BICDL1: variants seen among roughly 807,000 people sequenced by gnomAD.
BICDL1 encodes BICD family-like cargo adapter 1.
In BICDL1, 20 loss-of-function variants were observed where a neutral mutation model predicts 76.8. The ratio of observed to expected loss-of-function variants is 0.26; its 90% CI spans 0.18 to 0.38. The LOEUF (loss-of-function observed/expected upper bound fraction) is 0.38. Ranked by LOEUF, BICDL1 falls within the 10% of genes least tolerant of loss-of-function variation. BICDL1 has a pLI of 1.00. For missense variants in BICDL1, 700 were observed against 798.6 expected (o/e 0.88, Z 1.49); for synonymous variants, 383 against 337.1 (o/e 1.14, Z -1.49).
At chr12:120,010,666 C>G (rs534545882) in intron 2 of BICDL1, among the ~76,000 whole-genome samples, 1 of 152,210 alleles carries the variant, frequency 6.6e-6, no homozygotes, top group Non-Finnish European at 1.5e-5. Context: ...TCCCCATTTT[C>G]ACTTCAACCT....
chr12:120,074,330 A>G, intron 6 of BICDL1, 113 bp from the exon 7 acceptor site: 1 of 566,698 alleles, frequency 1.8e-6, no homozygotes, highest in Non-Finnish European at 2.2e-6. Flanking sequence ...TCATTCCTCC[A>G]CTCTCCCCCA....
intron 2 of BICDL1, among the ~76,000 whole-genome samples, chr12:120,012,181 G>T (rs12312294): frequency 0.086 from 13,073 of 152,202 alleles, 680 homozygotes; most frequent in African/African-American, 0.14. Context: ...AATAGAGAGA[G>T]GTTGAGATGA....
chr12:120,010,244 G>A (rs1951926573), intron 2 of BICDL1, among the ~76,000 whole-genome samples: 1 of 151,982 alleles, frequency 6.6e-6, no homozygotes, highest in South Asian at 2.1e-4. Flanking sequence ...TGCTTCACTG[G>A]GTGAATAAAA....
intron 2 of BICDL1, among the ~76,000 whole-genome samples, chr12:120,022,135 T>G (rs1845628712): frequency 6.6e-6 from 1 of 150,926 alleles, no homozygotes; most frequent in African/African-American, 2.4e-5. Context: ...TGTCAGCCTC[T>G]GGGTTGGAGG....
chr12:120,017,615 G>T (rs1423703709), intron 2 of BICDL1, among the ~76,000 whole-genome samples: 1 of 151,936 alleles, frequency 6.6e-6, no homozygotes, highest in African/African-American at 2.4e-5. Flanking sequence ...GTCTATAGTT[G>T]TAGCTACTTG....
chr12:120,056,540 G>A (rs1952976344), intron 2 of BICDL1, among the ~76,000 whole-genome samples: 1 of 152,134 alleles, frequency 6.6e-6, no homozygotes, highest in Non-Finnish European at 1.5e-5. Flanking sequence ...CCAACGTGGT[G>A]AAACCCTGTC....
intron 2 of BICDL1, among the ~76,000 whole-genome samples, chr12:120,060,495 T>C (rs2138894453): frequency 6.6e-6 from 1 of 152,326 alleles, no homozygotes; most frequent in South Asian, 2.1e-4. Context: ...ATCAGAATCT[T>C]ACTAGCTCAT....
At position 120,015,807 on chromosome 12, in the gene BICDL1, G is replaced by T. The variant is rs145492025; in HGVS notation, c.645+17071G>T. Among the ~76,000 whole-genome samples the T allele has an allele frequency of 3.0e-3, 456 of 152,152 alleles. 16 individuals carry two copies. In the South Asian group the frequency reaches 0.069, roughly 23 times the overall value. ...AATCTTGCTGAATTCCTTTTCCATTGTCCAGATCACTGGTTCCCAGTCTTT... is the reference window on the plus strand; with the variant it reads ...AATCTTGCTGAATTCCTTTTCCATTTTCCAGATCACTGGTTCCCAGTCTTT... On this transcript the variant is annotated intron_variant, in intron 2 of 9. Coordinates refer to ENST00000548673, the MANE Select transcript of BICDL1 (RefSeq NM_001367886.1).
chr12:120,068,384 G>A (rs1872813860), intron 4 of BICDL1, among the ~76,000 whole-genome samples: 1 of 152,242 alleles, frequency 6.6e-6, no homozygotes, highest in South Asian at 2.1e-4. Flanking sequence ...CAGATAGGAA[G>A]AGTAGGAAGC....
chr12:120,064,675 C>T lies in BICDL1; in HGVS notation c.763-58C>T, dbSNP rs572662635. 2.0e-4 allele frequency: 305 copies of T among 1,533,758 alleles called. 2 individuals are homozygous for T. In the South Asian group the frequency reaches 3.7e-3, roughly 19 times the overall value. On this transcript the variant is annotated intron_variant, in intron 3 of 9. Coordinates refer to ENST00000548673, the MANE Select transcript of BICDL1 (RefSeq NM_001367886.1). ...CATGTTTTGGGGCTAGTCCCTAGTTCCTACTTGTCAGCCCGGGTGTAACTC... is the reference window on the plus strand; with the variant it reads ...CATGTTTTGGGGCTAGTCCCTAGTTTCTACTTGTCAGCCCGGGTGTAACTC...
Position 119,998,537 on chromosome 12 carries a change from A to G in BICDL1, c.446A>G (p.Lys149Arg). Reference protein sequence around the residue: ...TDKLEHLEQEKHELRRRFENR... With the variant: ...TDKLEHLEQERHELRRRFENR... Reference sequence around the variant, plus strand: ...TTCACCCAGCACTTAGAGCAAGAGAAACATGAATTGAGAAGACGATTTGAG... The same window carrying G: ...TTCACCCAGCACTTAGAGCAAGAGAGACATGAATTGAGAAGACGATTTGAG... Residue 149 changes from lysine (K) to arginine (R), a missense_variant, in exon 2 of 10, where the codon AAA becomes AGA. This residue lies in a region of BICDL1 where 20 missense variants were observed against 50.3 expected (regional missense o/e 0.40). Coordinates refer to ENST00000548673, the MANE Select transcript of BICDL1 (RefSeq NM_001367886.1). 6.2e-7 allele frequency: 1 copy of G among 1,608,698 alleles called. No individual in the cohort carries two copies. The highest frequency in any genetic ancestry group is 1.1e-5 in the South Asian group (1 of 90,618).
chr12:120,028,087 A>G (rs1952345301), intron 2 of BICDL1, among the ~76,000 whole-genome samples: 1 of 152,206 alleles, frequency 6.6e-6, no homozygotes, highest in Non-Finnish European at 1.5e-5. Flanking sequence ...TTTGAAGGCT[A>G]GCTGTTAAAT....
intron 2 of BICDL1, chr12:120,000,040 G>GAATAACC (rs1951729279): frequency 5.9e-6 from 1 of 168,800 alleles, no homozygotes; most frequent in Admixed American, 6.2e-5. Flanking sequence ...TGTTGTAGTT[G>GAATAACC]CTTCCTGTGG....
At chr12:120,047,775 T>C (rs1443482495) in intron 2 of BICDL1, among the ~76,000 whole-genome samples, 5 of 152,158 alleles carry the variant, frequency 3.3e-5, no homozygotes, top group Non-Finnish European at 7.4e-5. Flanking sequence ...ATTCTTCCCT[T>C]AAGATAATTA....
chr12:120,094,264 C>T lies in BICDL1; in HGVS notation c.*1103C>T, dbSNP rs1363674751. 6.6e-6 allele frequency: 3 copies of T among 456,216 alleles called. No homozygotes were observed. The highest frequency in any genetic ancestry group is 1.3e-5 in the Non-Finnish European group (3 of 226,764). The allele number at this position is 456,216 out of a possible 1,614,324, so 28.3% of individuals were successfully genotyped here. ...CAGCTGCTCACAACCGATTCAGTCT[C>T]CCTCCCTCCCTCACGTGGGGAAAGC... On this transcript the variant is annotated 3_prime_UTR_variant, in exon 10 of 10. Coordinates refer to ENST00000548673, the MANE Select transcript of BICDL1 (RefSeq NM_001367886.1).
At chr12:120,020,365 C>T (rs1012366737) in intron 2 of BICDL1, among the ~76,000 whole-genome samples, 18 of 152,158 alleles carry the variant, frequency 1.2e-4, no homozygotes, top group African/African-American at 4.3e-4. Context: ...TTGATTTAAA[C>T]ACATGAATAT....
Position 120,061,711 on chromosome 12 carries a change from C to T in BICDL1, c.647C>T (p.Ala216Val). 2.5e-6 allele frequency: 4 copies of T among 1,609,116 alleles called. No individual in the cohort carries two copies. The highest frequency in any genetic ancestry group is 3.4e-6 in the Non-Finnish European group (4 of 1,175,370). Residue 216 changes from alanine to valine, a missense_variant and splice_region_variant, in exon 3 of 10, where the codon GCA becomes GTA. This residue lies in a region of BICDL1 where 455 missense variants were observed against 548.7 expected (regional missense o/e 0.83). Transcript: ENST00000548673. ...CTCTGCAGGTCTCCTCTGTTTCAGG[C>T]ATCAGAAGTTGAGAGACAACTCTCC... is the stretch of plus-strand genomic sequence containing the variant. Reference protein sequence around the residue: ...NQRLLDQLSRASEVERQLSMQ... With the variant: ...NQRLLDQLSRVSEVERQLSMQ...
At position 119,989,564 on chromosome 12, in the gene BICDL1, T is replaced by C. The variant is rs1332203043; in HGVS notation, c.-305T>C. 6.6e-6 allele frequency among the ~76,000 whole-genome samples: 1 copy of C among 150,422 alleles called. No homozygotes were observed. Among genetic ancestry groups the C allele is most frequent in the Non-Finnish European group, 1.5e-5 (1 of 67,390 alleles). On this transcript the variant is annotated 5_prime_UTR_variant, in exon 1 of 10. Transcript: ENST00000548673. ...TCCCGCTTCGCCGACCCTCAGTCTCTGTTCCTGAGTCCTCCCTTCCCCAGC... is the reference window on the plus strand; with the variant it reads ...TCCCGCTTCGCCGACCCTCAGTCTCCGTTCCTGAGTCCTCCCTTCCCCAGC...
chr12:120,088,789 C>T (rs145535146), intron 8 of BICDL1, among the ~76,000 whole-genome samples: 2,456 of 152,250 alleles, frequency 0.016, 66 homozygotes, highest in African/African-American at 0.055. Context: ...GCCTCAGCCT[C>T]GCCAGTAGCT....
Sources: allele counts gnomAD v4.1 joint callset (sites outside exome capture counted in the v4.1 genomes callset), GRCh38; gene constraint gnomAD v4.1.1; regional missense constraint gnomAD v4.1.1; transcripts MANE v1.5; gene names NCBI Gene and HGNC (gene_info 2026-07-23, HGNC 2026-07-21).